Variants in TNRC18 observed in about 807,000 individuals in gnomAD.
The protein encoded by TNRC18 is trinucleotide repeat containing 18, also known as trinucleotide repeat-containing gene 18 protein.
TNRC18 carries 69 observed loss-of-function variants against 226.7 expected under a neutral mutation model. The observed-to-expected ratio is 0.30, with a 90% CI of 0.25 to 0.37. The LOEUF is 0.37. Ranked by LOEUF, TNRC18 falls within the 10% of genes least tolerant of loss-of-function variation. The probability of loss-of-function intolerance (pLI) is 1.00; values close to 1 mark genes in which losing one functional copy is unlikely to be tolerated. For missense variants in TNRC18, 4,754 were observed against 4,256.6 expected (o/e 1.12, Z -3.25); for synonymous variants, 2,449 against 1,927.6 (o/e 1.27, Z -7.09).
intron 2 of TNRC18, among the ~76,000 whole-genome samples, chr7:5,396,775 G>T (rs927608187): frequency 6.6e-6 from 1 of 152,096 alleles, no homozygotes; most frequent in African/African-American, 2.4e-5. Flanking sequence ...TAAGTTATGT[G>T]GCTTTGCAGG....
At position 5,309,690 on chromosome 7, in the gene TNRC18, A is replaced by C. The variant is rs1176499221; in HGVS notation, c.8389-322T>G. ...CCATCATGACTCACTGCAGCCACGAACTCCTAGACTCAAGAAATCCTCTCC... is the reference window on the plus strand; with the variant it reads ...CCATCATGACTCACTGCAGCCACGACCTCCTAGACTCAAGAAATCCTCTCC... On this transcript the variant is annotated intron_variant, in intron 27 of 29. Transcript: ENST00000430969. The surrounding 1 kb of genome is among the most constrained non-coding windows in gnomAD (Gnocchi z 5.7). Among the ~76,000 whole-genome samples the C allele has an allele frequency of 2.6e-5, 4 of 151,722 alleles. No homozygotes were observed. Among genetic ancestry groups the C allele is most frequent in the African/African-American group, 7.3e-5 (3 of 41,290 alleles).
intron 2 of TNRC18, among the ~76,000 whole-genome samples, chr7:5,396,021 A>C (rs1402409439): frequency 6.8e-6 from 1 of 147,404 alleles, no homozygotes; most frequent in Non-Finnish European, 1.5e-5. Context: ...AATGCTAAAA[A>C]TTAGCTGGGC....
At chr7:5,381,370 C>T (rs1400403953) in intron 5 of TNRC18, among the ~76,000 whole-genome samples, 2 of 152,136 alleles carry the variant, frequency 1.3e-5, no homozygotes, top group African/African-American at 4.8e-5. Flanking sequence ...CTGCACATGT[C>T]ACACTTGTCC....
At chr7:5,393,079 G>A (rs574993199) in intron 3 of TNRC18, among the ~76,000 whole-genome samples, 5 of 152,350 alleles carry the variant, frequency 3.3e-5, no homozygotes, top group South Asian at 2.1e-4. Context: ...AGCTGAGTGT[G>A]CACTGGGCTG....
At chr7:5,356,794 CAGAGAG>C (rs756427147) in intron 16 of TNRC18, 116 bp downstream of exon 16, 127 of 1,366,420 alleles carry the variant, frequency 9.3e-5, no homozygotes, top group Non-Finnish European at 1.1e-4. Flanking sequence ...TAGTGCGCCC[CAGAGAG>C]AGAGCGAGAG....
In TNRC18 at chr7:5,394,509, G is replaced by C; in HGVS notation, c.274C>G (p.Leu92Val). The C allele has an allele frequency of 6.4e-7, 1 of 1,557,536 alleles. No individual in the cohort carries two copies. The highest frequency in any genetic ancestry group is 8.7e-7 in the Non-Finnish European group (1 of 1,152,642). ...CTAGGGGTTGGGGAGCGGAAAGACAGGTCAGAGGGCAGTGGCACTGGGCTC... is the reference window on the plus strand; with the variant it reads ...CTAGGGGTTGGGGAGCGGAAAGACACGTCAGAGGGCAGTGGCACTGGGCTC... ...HGSPVPLPSD[L>V]SFRSPTPSNL... The change falls in exon 3 of 30, where the codon CTG (leucine) becomes GTG (valine). Residue 92 changes from leucine (L) to valine (V), a missense_variant. Leu to Val is a conservative substitution (Grantham distance 32, BLOSUM62 1). Coordinates refer to ENST00000430969, the MANE Select transcript of TNRC18 (RefSeq NM_001080495.3). The surrounding 1 kb of genome is among the most constrained non-coding windows in gnomAD (Gnocchi z 4.5).
chr7:5,377,323 C>CCCCCCCCCA lies in TNRC18; in HGVS notation c.2461+47_2461+48insTGGGGGGGG. 3 of 949,540 alleles carry CCCCCCCCCA rather than the reference C, an allele frequency of 3.2e-6. No homozygotes were observed. Among genetic ancestry groups the CCCCCCCCCA allele is most frequent in the East Asian group, 2.7e-5 (1 of 37,104 alleles). 58.8% of individuals were successfully genotyped at this position (949,540 alleles called of 1,614,324 possible). A position where few individuals can be genotyped will look rare whatever the true frequency, so the allele number is the denominator to read the frequency against. ...AGCTCTTGTCCTGCACCCGCCCCCT[C>CCCCCCCCCA]CCACCCCTCCCTCAGAGAAGGGGAG... On this transcript the variant is annotated intron_variant, in intron 7 of 29. Coordinates refer to ENST00000430969, the MANE Select transcript of TNRC18 (RefSeq NM_001080495.3). This position sits in a 1 kb window ranked among gnomAD's most constrained non-coding sequence, Gnocchi z 5.8.
intron 2 of TNRC18, among the ~76,000 whole-genome samples, chr7:5,398,144 G>A (rs867312233): frequency 1.3e-5 from 2 of 151,842 alleles, no homozygotes; most frequent in Middle Eastern, 3.4e-3. Flanking sequence ...GGGACCACAG[G>A]CACACATCAT....
chr7:5,352,999 G>A (rs78760367), intron 16 of TNRC18, among the ~76,000 whole-genome samples: 11,504 of 152,200 alleles, frequency 0.076, 556 homozygotes, highest in Non-Finnish European at 0.11. Context: ...GCACGCATCC[G>A]TGGCGGGCAT....
At chr7:5,325,514 C>T in intron 19 of TNRC18, 1 of 383,620 alleles carries the variant, frequency 2.6e-6, no homozygotes, top group Non-Finnish European at 4.7e-6. Flanking sequence ...AGCTCTGCCT[C>T]CCGGGTTCAC....
chr7:5,351,678 A>G, intron 17 of TNRC18, 141 bp downstream of exon 17: 1 of 892,882 alleles, frequency 1.1e-6, no homozygotes. Context: ...AAGAACCCAG[A>G]TGGCAGCCTT....
chr7:5,342,231 C>A lies in TNRC18; in HGVS notation c.5719+3331G>T, dbSNP rs1790754931. On this transcript the variant is annotated intron_variant, in intron 18 of 29. Transcript: ENST00000430969. ...ATCATTTGAGGCCAGGAGTTCCAGA[C>A]CAGTCTGGCCGACATGGCGAAACCC... Among the ~76,000 whole-genome samples the A allele has an allele frequency of 2.0e-5, 3 of 152,134 alleles. No individual in the cohort carries two copies. The South Asian group carries it at 6.2e-4, about 31-fold the overall frequency.
At chr7:5,320,040 A>G (rs1421751326) in intron 24 of TNRC18, 17 of 382,260 alleles carry the variant, frequency 4.4e-5, no homozygotes, top group Non-Finnish European at 7.4e-5. Flanking sequence ...AAATCCTCCA[A>G]TGATAAGAGT....
Position 5,357,285 on chromosome 7 carries a change from G to A in TNRC18, c.4834-9C>T, listed in dbSNP as rs114527514. The A allele has an allele frequency of 4.7e-3, 7,510 of 1,606,012 alleles. 130 individuals carry two copies. Among genetic ancestry groups the A allele is most frequent in the African/African-American group, 0.045 (3,396 of 74,888 alleles). On this transcript the variant is annotated splice_polypyrimidine_tract_variant and intron_variant, in intron 15 of 29. Coordinates refer to ENST00000430969, the MANE Select transcript of TNRC18 (RefSeq NM_001080495.3). The stretch of plus-strand genomic sequence containing the variant: ...TTCTTCTTAATCTTTAGCTGGAGAG[G>A]GAAGGTGGGTCATGGGTTAAAAGAT...
intron 10 of TNRC18, among the ~76,000 whole-genome samples, chr7:5,372,021 G>A (rs899336745): frequency 6.6e-6 from 1 of 151,294 alleles, no homozygotes; most frequent in Admixed American, 6.6e-5. Flanking sequence ...CCTCAGCCTC[G>A]CGAGCAGCTG....
At chr7:5,365,667 G>A (rs540065895) in intron 11 of TNRC18, among the ~76,000 whole-genome samples, 89 of 150,288 alleles carry the variant, frequency 5.9e-4, no homozygotes, top group Middle Eastern at 3.6e-3. Flanking sequence ...TTGCCCGGGC[G>A]GGTCTTAAAC....
At position 5,315,010 on chromosome 7, in the gene TNRC18, C is replaced by G; in HGVS notation, c.7001G>C (p.Arg2334Pro). The G allele has an allele frequency of 6.2e-7, 1 of 1,606,888 alleles. No homozygotes were observed. Among genetic ancestry groups the G allele is most frequent in the South Asian group, 1.1e-5 (1 of 89,304 alleles). ...EPGAKARGRG[R>P]KPSAKAKGDR... ...ACCCTTGGCCTTGGCGCTGGGTTTC[C>G]GCCCACGCCCACGGGCCTTGGCTCC... Residue 2334 changes from arginine to proline, a missense_variant, in exon 26 of 30, where the codon CGG becomes CCG. Physicochemically the swap from Arg to Pro is moderately radical, Grantham distance 103. Coordinates refer to ENST00000430969, the MANE Select transcript of TNRC18 (RefSeq NM_001080495.3).
chr7:5,351,164 G>A (rs1165306424), intron 17 of TNRC18, among the ~76,000 whole-genome samples: 1 of 152,018 alleles, frequency 6.6e-6, no homozygotes, highest in East Asian at 1.9e-4. Flanking sequence ...AGGCGGCACG[G>A]TCCCGTCCCT....
rs527292264 is a variant in TNRC18 at position 5,384,521 on chromosome 7, T to C, written c.2152+3151A>G. ...CCTCCCTCCCTCCCTCACATTCGCA[T>C]GTCCCCCTCCCCCACACAAACACAC... On this transcript the variant is annotated intron_variant, in intron 5 of 29. Transcript: ENST00000430969. Among the ~76,000 whole-genome samples the C allele has an allele frequency of 2.6e-3, 366 of 139,344 alleles. 3 individuals carry two copies. The highest frequency in any genetic ancestry group is 9.0e-3 in the African/African-American group (349 of 38,694). 91.4% of individuals were successfully genotyped at this position (139,344 alleles called of 152,430 possible).
Sources: gnomAD v4.1 joint callset for allele counts (sites outside exome capture counted in the v4.1 genomes callset) on GRCh38, gnomAD v4.1.1 for gene constraint, Gnocchi (gnomAD v3.1) non-coding constraint, MANE v1.5 for transcripts, NCBI Gene and HGNC (gene_info 2026-07-23, HGNC 2026-07-21) for gene names.